ESAM: variants seen among roughly 807,000 people sequenced by gnomAD.
ESAM encodes endothelial cell adhesion molecule, also known as endothelial cell-selective adhesion molecule.
ESAM carries 23 observed loss-of-function variants against 31.8 expected under a neutral mutation model. That is an observed-to-expected ratio of 0.72 (90% CI 0.52 to 1.03). The LOEUF is 1.03. Among genes scored for constraint, ESAM ranks in the 50% least tolerant of loss-of-function variants. ESAM has a pLI of 0.00. For missense variants in ESAM, 478 were observed against 488.9 expected, an observed-to-expected ratio of 0.98 and a Z score of 0.21; for synonymous variants, 216 against 207.2, an observed-to-expected ratio of 1.04 and a Z score of -0.37.
In ESAM at chr11:124,760,128, C is replaced by G. The variant is rs537788495; in HGVS notation, c.71-1601G>C. Reference sequence around the variant, plus strand: ...AGAGGAGAGTTAAAAGAGATAGTAACGGACACACTGGGGTCTGGGCACATG... The same window carrying G: ...AGAGGAGAGTTAAAAGAGATAGTAAGGGACACACTGGGGTCTGGGCACATG... On this transcript the variant is annotated intron_variant, in intron 1 of 6. Coordinates refer to ENST00000278927, the MANE Select transcript of ESAM (RefSeq NM_138961.3). Among the ~76,000 whole-genome samples the G allele has an allele frequency of 5.1e-4, 78 of 152,320 alleles. No individual in the cohort carries two copies. In the South Asian group the frequency reaches 0.016, roughly 30 times the overall value.
chr11:124,754,212 A>G lies in ESAM; in HGVS notation c.857+2T>C. The stretch of plus-strand genomic sequence containing the variant: ...GCTGCAGCAGACACCAGGGACACTT[A>G]CTTGATATCATTGGCTGGCTCCTCC... On this transcript the variant is annotated splice_donor_variant, in intron 6 of 6. Transcript: ENST00000278927. LOFTEE classifies it high-confidence loss of function. This position sits in a 1 kb window ranked among gnomAD's most constrained non-coding sequence, Gnocchi z 4.5. The G allele has an allele frequency of 6.2e-7, 1 of 1,613,670 alleles. No homozygotes were observed. The highest frequency in any genetic ancestry group is 8.5e-7 in the Non-Finnish European group (1 of 1,179,818).
chr11:124,757,657 T>G (rs1481364356), intron 2 of ESAM: 1 of 152,094 alleles, frequency 6.6e-6, no homozygotes, highest in African/African-American at 2.4e-5. Context: ...CTTGACAGTA[T>G]TCAAAGCAGA....
At chr11:124,761,072 A>T (rs1021903909) in intron 1 of ESAM, among the ~76,000 whole-genome samples, 2 of 152,158 alleles carry the variant, frequency 1.3e-5, no homozygotes, top group African/African-American at 4.8e-5. Context: ...GGTGATCCTC[A>T]TCTCTGTCCC....
Position 124,762,254 on chromosome 11 carries a change from G to T in ESAM, c.-100C>A, listed in dbSNP as rs550918416. On this transcript the variant is annotated 5_prime_UTR_variant, in exon 1 of 7. Transcript: ENST00000278927. The surrounding 1 kb of genome is among the most constrained non-coding windows in gnomAD (Gnocchi z 6.4). Reference sequence around the variant, plus strand: ...GACGGCCGGAGCGTGCGCGGGAGCCGAGCCGCTGACACCCAGGGCGGCTCC... The same window carrying T: ...GACGGCCGGAGCGTGCGCGGGAGCCTAGCCGCTGACACCCAGGGCGGCTCC... 1 of 961,996 alleles carries T rather than the reference G, an allele frequency of 1.0e-6. No individual in the cohort carries two copies. The highest frequency in any genetic ancestry group is 3.2e-5 in the East Asian group (1 of 31,620). The allele number at this position is 961,996 out of a possible 1,614,324, so 59.6% of individuals were successfully genotyped here.
chr11:124,754,352 G>A lies in ESAM; in HGVS notation c.731-12C>T, dbSNP rs539192608. 42 of 1,613,512 alleles carry A rather than the reference G, an allele frequency of 2.6e-5. No homozygotes were observed. Among genetic ancestry groups the A allele is most frequent in the Middle Eastern group, 3.3e-4 (2 of 6,054 alleles). ...TGCAGCTCCAGGCCCTGGAAAAGGC[G>A]TCGTGTCAGAGGAGGACACCCAGCT... On this transcript the variant is annotated splice_polypyrimidine_tract_variant and intron_variant, in intron 5 of 6. Transcript: ENST00000278927. The surrounding 1 kb of genome is among the most constrained non-coding windows in gnomAD (Gnocchi z 4.5).
In ESAM at chr11:124,762,071, CG is replaced by C. The variant is rs1210940413; in HGVS notation, c.70+13del. On this transcript the variant is annotated intron_variant, in intron 1 of 6. Transcript: ENST00000278927. This position sits in a 1 kb window ranked among gnomAD's most constrained non-coding sequence, Gnocchi z 6.4. Reference sequence around the variant, plus strand: ...CCGCATCCCAAGTCCCCTCCAGGTCCGGGTTTCACTCACCGAGGGCACTCAG... The same window carrying C: ...CCGCATCCCAAGTCCCCTCCAGGTCCGGTTTCACTCACCGAGGGCACTCAG... The C allele has an allele frequency of 8.1e-6, 13 of 1,609,372 alleles. No homozygotes were observed. Among genetic ancestry groups the C allele is most frequent in the Middle Eastern group, 1.6e-4 (1 of 6,074 alleles).
intron 1 of ESAM, among the ~76,000 whole-genome samples, chr11:124,760,499 G>A (rs1944215445): frequency 6.6e-6 from 1 of 152,232 alleles, no homozygotes; most frequent in Non-Finnish European, 1.5e-5. Flanking sequence ...ACGCCCCAGG[G>A]GCAGCAGCAC....
In ESAM at chr11:124,754,450, C is replaced by T. The variant is rs1271325980; in HGVS notation, c.731-110G>A. On this transcript the variant is annotated intron_variant, in intron 5 of 6. Coordinates refer to ENST00000278927, the MANE Select transcript of ESAM (RefSeq NM_138961.3). This position sits in a 1 kb window ranked among gnomAD's most constrained non-coding sequence, Gnocchi z 4.5. The stretch of plus-strand genomic sequence containing the variant: ...CACCATACACATTCCCTCTTTTTCC[C>T]TGTCAAGAAGAGGGGTGGCTGTTGA... 1.3e-6 allele frequency: 2 copies of T among 1,515,518 alleles called. No individual in the cohort carries two copies. The highest frequency in any genetic ancestry group is 1.8e-6 in the Non-Finnish European group (2 of 1,129,526). 93.9% of individuals were successfully genotyped at this position (1,515,518 alleles called of 1,614,324 possible). A position where few individuals can be genotyped will look rare whatever the true frequency, so the allele number is the denominator to read the frequency against.
At chr11:124,758,632 T>G (rs967100718) in intron 1 of ESAM, 105 bp from the exon 2 acceptor site, 6 of 1,342,150 alleles carry the variant, frequency 4.5e-6, no homozygotes, top group East Asian at 2.6e-5. Context: ...TCGCTTTAAC[T>G]GGAAAGAGGA....
rs772822839 is a variant in ESAM, at chr11:124,758,476, T to A, written c.122A>T (p.Gln41Leu). Residue 41 changes from glutamine to leucine, a missense_variant, in exon 2 of 7, where the codon CAG becomes CTG. Coordinates refer to ENST00000278927, the MANE Select transcript of ESAM (RefSeq NM_138961.3). The part of the protein sequence containing the change: ...LQLHLPANRL[Q>L]AVEGGEVVLP... ...CACCACTTCCCCTCCCTCCACCGCC[T>A]GCAACCGGTTGGCGGGCAAGTGCAG... is the stretch of plus-strand genomic sequence containing the variant. The A allele has an allele frequency of 3.1e-6, 5 of 1,609,970 alleles. No individual in the cohort carries two copies. The highest frequency in any genetic ancestry group is 4.2e-6 in the Non-Finnish European group (5 of 1,178,134).
rs200154876 is a variant in ESAM at position 124,753,861 on chromosome 11, G to T, written c.958C>A (p.Arg320=). ...LSSVTSARAL[R]PPHGPPRPGA... ...GGCCTGGGAGGGCCATGGGGTGGCC[G>T]GAGGGCTCGTGCGGAGGTGACAGAG... Residue 320 remains arginine (R), a synonymous_variant, in exon 7 of 7, where the codon CGG becomes AGG. Coordinates refer to ENST00000278927, the MANE Select transcript of ESAM (RefSeq NM_138961.3). 2 of 1,613,764 alleles carry T rather than the reference G, an allele frequency of 1.2e-6. No individual in the cohort carries two copies. The highest frequency in any genetic ancestry group is 2.7e-5 in the African/African-American group (2 of 74,918).
In ESAM at chr11:124,754,118, T is replaced by C; in HGVS notation, c.857+96A>G. 1 of 1,562,514 alleles carries C rather than the reference T, an allele frequency of 6.4e-7. No individual in the cohort carries two copies. The highest frequency in any genetic ancestry group is 8.7e-7 in the Non-Finnish European group (1 of 1,152,944). ...CCCATAGGAATGATGTTTCAGCCAC[T>C]GACCCCATCCCAATAGATGAGAGCT... On this transcript the variant is annotated intron_variant, in intron 6 of 6. Coordinates refer to ENST00000278927, the MANE Select transcript of ESAM (RefSeq NM_138961.3). The surrounding 1 kb of genome is among the most constrained non-coding windows in gnomAD (Gnocchi z 4.5).
At position 124,759,791 on chromosome 11, in the gene ESAM, G is replaced by T. The variant is rs1944205345; in HGVS notation, c.71-1264C>A. ...TCTGGGCAGGAAATTTGTACCCAGTGATAAGGCAGAAGACAATGAAGGGGG... is the reference window on the plus strand; with the variant it reads ...TCTGGGCAGGAAATTTGTACCCAGTTATAAGGCAGAAGACAATGAAGGGGG... On this transcript the variant is annotated intron_variant, in intron 1 of 6. Coordinates refer to ENST00000278927, the MANE Select transcript of ESAM (RefSeq NM_138961.3). The surrounding 1 kb of genome is among the most constrained non-coding windows in gnomAD (Gnocchi z 6.8). Among the ~76,000 whole-genome samples the T allele has an allele frequency of 6.6e-6, 1 of 152,188 alleles. No homozygotes were observed. Among genetic ancestry groups the T allele is most frequent in the African/African-American group, 2.4e-5 (1 of 41,462 alleles).
chr11:124,754,638 G>C lies in ESAM; in HGVS notation c.730+3C>G. 6.2e-7 allele frequency: 1 copy of C among 1,611,266 alleles called. No homozygotes were observed. Among genetic ancestry groups the C allele is most frequent in the Non-Finnish European group, 8.5e-7 (1 of 1,178,984 alleles). Reference sequence around the variant, plus strand: ...TTCTTAACCACACTTACCCCTCACTGACCTGTGCTCACTTCCAGCGTCACA... The same window carrying C: ...TTCTTAACCACACTTACCCCTCACTCACCTGTGCTCACTTCCAGCGTCACA... On this transcript the variant is annotated splice_donor_region_variant and intron_variant, in intron 5 of 6. Coordinates refer to ENST00000278927, the MANE Select transcript of ESAM (RefSeq NM_138961.3). The surrounding 1 kb of genome is among the most constrained non-coding windows in gnomAD (Gnocchi z 4.5).
At chr11:124,757,887 G>A (rs867234498) in intron 2 of ESAM, among the ~76,000 whole-genome samples, 1 of 151,822 alleles carries the variant, frequency 6.6e-6, no homozygotes, top group East Asian at 1.9e-4. Flanking sequence ...TAGCAGAGAC[G>A]GGGGTTTCAC....
At position 124,762,179 on chromosome 11, in the gene ESAM, CA is replaced by C. The variant is rs749049067; in HGVS notation, c.-26del. ...TGGCCCTCCCTGGCCGGGACGGAGTCAGGGGCGCCAGCCGCGGGACGCACGG... is the reference window on the plus strand; with the variant it reads ...TGGCCCTCCCTGGCCGGGACGGAGTCGGGGCGCCAGCCGCGGGACGCACGG... On this transcript the variant is annotated 5_prime_UTR_variant, in exon 1 of 7. Transcript: ENST00000278927. The surrounding 1 kb of genome is among the most constrained non-coding windows in gnomAD (Gnocchi z 6.4). 1.3e-6 allele frequency: 2 copies of C among 1,583,902 alleles called. No individual in the cohort carries two copies. The highest frequency in any genetic ancestry group is 3.5e-5 in the Admixed American group (2 of 56,902).
chr11:124,760,655 C>A (rs1027547035), intron 1 of ESAM, among the ~76,000 whole-genome samples: 3 of 152,312 alleles, frequency 2.0e-5, no homozygotes, highest in Middle Eastern at 3.4e-3. Context: ...CCAGGGGGAC[C>A]GATTGGAACT....
intron 4 of ESAM, among the ~76,000 whole-genome samples, chr11:124,755,256 T>C (rs558442734): frequency 6.6e-6 from 1 of 152,160 alleles, no homozygotes; most frequent in Admixed American, 6.5e-5. Flanking sequence ...AGTGAATGTT[T>C]AGGGGGGAGG....
Position 124,754,906 on chromosome 11 carries a change from C to G in ESAM, c.608-143G>C, listed in dbSNP as rs1944138126. On this transcript the variant is annotated intron_variant, in intron 4 of 6. Coordinates refer to ENST00000278927, the MANE Select transcript of ESAM (RefSeq NM_138961.3). This position sits in a 1 kb window ranked among gnomAD's most constrained non-coding sequence, Gnocchi z 4.5. Reference sequence around the variant, plus strand: ...TTCCCTGATGGGGGGAGAGGTGTGACAGCTGGGCTTGGCTCCCAGCTGCAG... The same window carrying G: ...TTCCCTGATGGGGGGAGAGGTGTGAGAGCTGGGCTTGGCTCCCAGCTGCAG... 8.7e-7 allele frequency: 1 copy of G among 1,144,298 alleles called. No individual in the cohort carries two copies. The highest frequency in any genetic ancestry group is 3.0e-5 in the Admixed American group (1 of 33,110). 70.9% of individuals were successfully genotyped at this position (1,144,298 alleles called of 1,614,324 possible). A position where few individuals can be genotyped will look rare whatever the true frequency, so the allele number is the denominator to read the frequency against.
Sources: gnomAD v4.1 joint callset for allele counts (sites outside exome capture counted in the v4.1 genomes callset) on GRCh38, gnomAD v4.1.1 for gene constraint, Gnocchi (gnomAD v3.1) non-coding constraint, MANE v1.5 for transcripts, NCBI Gene and HGNC (gene_info 2026-07-23, HGNC 2026-07-21) for gene names.